GTF3C4: variants seen among roughly 807,000 people sequenced by gnomAD.
The protein encoded by GTF3C4 is general transcription factor IIIC subunit 4.
GTF3C4 carries 28 observed loss-of-function variants against 67.5 expected under a neutral mutation model. The ratio of observed to expected loss-of-function variants is 0.41; its 90% CI spans 0.31 to 0.57. The LOEUF is 0.57. GTF3C4 is among the 20% of genes least tolerant of loss of function. The pLI, the probability that GTF3C4 is intolerant of heterozygous loss-of-function variation, is 0.21. For missense variants in GTF3C4, 831 were observed against 1,033.2 expected (o/e 0.80, Z 2.68); for synonymous variants, 409 against 393.0 (o/e 1.04, Z -0.48).
At position 132,678,530 on chromosome 9, in the gene GTF3C4, A is replaced by G. The variant is rs759600640; in HGVS notation, c.911A>G (p.Asn304Ser). Residue 304 changes from asparagine (N) to serine (S), a missense_variant, in exon 2 of 5, where the codon AAC (asparagine) becomes AGC (serine). Asn to Ser is a conservative substitution (Grantham distance 46). Coordinates refer to ENST00000372146, the MANE Select transcript of GTF3C4 (RefSeq NM_012204.4). The surrounding 1 kb of genome is among the most constrained non-coding windows in gnomAD (Gnocchi z 6.5). The part of the protein sequence containing the change: ...FVGKESISSC[N>S]TIESGITSPS... ...GGAAAAGAATCCATCTCTTCATGCA[A>G]CACAATTGAGTCAGGAATCACCTCT... 1 of 1,614,192 alleles carries G rather than the reference A, an allele frequency of 6.2e-7. No individual in the cohort carries two copies. Among genetic ancestry groups the G allele is most frequent in the East Asian group, 2.2e-5 (1 of 44,880 alleles).
At position 132,679,900 on chromosome 9, in the gene GTF3C4, T is replaced by G. The variant is rs1354080428; in HGVS notation, c.2184+97T>G. ...TGAGTTCCTGAAGCTCAACTTTTGC[T>G]TTGACATTTTTTAGGTAATTTATTT... On this transcript the variant is annotated intron_variant, in intron 2 of 4. Transcript: ENST00000372146. The surrounding 1 kb of genome is among the most constrained non-coding windows in gnomAD (Gnocchi z 5.9). The G allele has an allele frequency of 5.2e-6, 6 of 1,157,266 alleles. No homozygotes were observed. Among genetic ancestry groups the G allele is most frequent in the Non-Finnish European group, 7.3e-6 (6 of 823,462 alleles). 71.7% of individuals were successfully genotyped at this position (1,157,266 alleles called of 1,614,324 possible).
rs370511674 is a variant in GTF3C4 at position 132,684,999 on chromosome 9, G to A, written c.2315+1306G>A. On this transcript the variant is annotated intron_variant, in intron 3 of 4. Coordinates refer to ENST00000372146, the MANE Select transcript of GTF3C4 (RefSeq NM_012204.4). The stretch of plus-strand genomic sequence containing the variant: ...TAGAACAATGCCTAGTACATGGTGG[G>A]CACTAAATTTTTTAATTTTTTTTTT... Among the ~76,000 whole-genome samples the A allele has an allele frequency of 2.9e-4, 43 of 150,436 alleles. 1 individual carries two copies. The East Asian group carries it at 4.7e-3, about 16-fold the overall frequency.
At chr9:132,680,734 A>G in intron 2 of GTF3C4, among the ~76,000 whole-genome samples, 1 of 152,240 alleles carries the variant, frequency 6.6e-6, no homozygotes, top group East Asian at 1.9e-4. Context: ...TTCGCCTTTG[A>G]AATTATTGCT....
rs1835898070 is a variant in GTF3C4, at chr9:132,678,654, C to G, written c.1035C>G (p.Val345=). ...TTGGACCCATAAAAATTCTTCCTGT[C>G]AATCTCAAAGCAGTCAAAGGCTATT... is the stretch of plus-strand genomic sequence containing the variant. The part of the protein sequence containing the change: ...SAFGPIKILP[V]NLKAVKGYFT... The change falls in exon 2 of 5, where the codon GTC becomes GTG. Residue 345 remains valine, a synonymous_variant. Transcript: ENST00000372146. This position sits in a 1 kb window ranked among gnomAD's most constrained non-coding sequence, Gnocchi z 6.5. 6.2e-7 allele frequency: 1 copy of G among 1,613,894 alleles called. No homozygotes were observed. Among genetic ancestry groups the G allele is most frequent in the African/African-American group, 1.3e-5 (1 of 74,904 alleles).
In GTF3C4 at chr9:132,694,781, A is replaced by G. The variant is rs911472411; in HGVS notation, c.*5836A>G. 6 of 152,298 alleles carry G rather than the reference A, an allele frequency of 3.9e-5. No homozygotes were observed. The East Asian group carries it at 1.2e-3, about 29-fold the overall frequency. 9.4% of individuals were successfully genotyped at this position (152,298 alleles called of 1,614,324 possible). A position where few individuals can be genotyped will look rare whatever the true frequency, so the allele number is the denominator to read the frequency against. On this transcript the variant is annotated 3_prime_UTR_variant, in exon 5 of 5. Transcript: ENST00000372146. The stretch of plus-strand genomic sequence containing the variant: ...TTTGGGATTCCCCTCAATTGCTTAC[A>G]TGATTCTGGTACTTAGAGTCTAATA...
chr9:132,678,428 A>C lies in GTF3C4; in HGVS notation c.809A>C (p.Asp270Ala). The change falls in exon 2 of 5, where the codon GAC becomes GCC. Residue 270 changes from aspartate (D) to alanine (A), a missense_variant. Transcript: ENST00000372146. The surrounding 1 kb of genome is among the most constrained non-coding windows in gnomAD (Gnocchi z 6.5). ...GTCAAGCATAACAACGAATGCCGGG[A>C]CGTTGGCAGTGTGCTCCTGGCTGTC... is the stretch of plus-strand genomic sequence containing the variant. ...QQVKHNNECR[D>A]VGSVLLAVLF... 1 of 1,614,220 alleles carries C rather than the reference A, an allele frequency of 6.2e-7. No individual in the cohort carries two copies. The highest frequency in any genetic ancestry group is 8.5e-7 in the Non-Finnish European group (1 of 1,180,034).
At chr9:132,684,727 C>T (rs1265534734) in intron 3 of GTF3C4, among the ~76,000 whole-genome samples, 1 of 152,194 alleles carries the variant, frequency 6.6e-6, no homozygotes, top group East Asian at 1.9e-4. Context: ...GGATGCTGTT[C>T]CAGCAGATGT....
At chr9:132,687,796 C>G (rs1192635973) in intron 4 of GTF3C4, among the ~76,000 whole-genome samples, 1 of 152,008 alleles carries the variant, frequency 6.6e-6, no homozygotes, top group Admixed American at 6.6e-5. Flanking sequence ...CCTGATAGTT[C>G]TAATGTCATC....
In GTF3C4 at chr9:132,678,799, G is replaced by T. The variant is rs760454849; in HGVS notation, c.1180G>T (p.Ala394Ser). Residue 394 changes from alanine (A) to serine (S), a missense_variant, in exon 2 of 5, where the codon GCA (alanine) becomes TCA (serine). Transcript: ENST00000372146. This position sits in a 1 kb window ranked among gnomAD's most constrained non-coding sequence, Gnocchi z 6.5. ...GTGTAGTTGCAGCTTAGTAGTGGCT[G>T]CAAGAGGCTCTTATGTATTTTGGTG... ...QKCSCSLVVA[A>S]RGSYVFWCLL... is the part of the protein sequence containing the mutation. 2 of 1,614,170 alleles carry T rather than the reference G, an allele frequency of 1.2e-6. No homozygotes were observed. The highest frequency in any genetic ancestry group is 1.7e-6 in the Non-Finnish European group (2 of 1,180,022).
At chr9:132,685,283 A>G (rs945637310) in intron 3 of GTF3C4, among the ~76,000 whole-genome samples, 5 of 151,770 alleles carry the variant, frequency 3.3e-5, no homozygotes, top group African/African-American at 1.2e-4. Context: ...GGCCTCCCAG[A>G]GTGCTGGAAC....
In GTF3C4 at chr9:132,683,413, A is replaced by T. The variant is rs1345007358; in HGVS notation, c.2185-150A>T. On this transcript the variant is annotated intron_variant, in intron 2 of 4. Coordinates refer to ENST00000372146, the MANE Select transcript of GTF3C4 (RefSeq NM_012204.4). The stretch of plus-strand genomic sequence containing the variant: ...TTATTTTTCAGACAGTATAATCAGG[A>T]TTTGTGGAAATGCAAATCTCCTGTC... The T allele has an allele frequency of 6.3e-6, 4 of 638,734 alleles. No individual in the cohort carries two copies. In the African/African-American group the frequency reaches 7.5e-5, roughly 12 times the overall value. The allele number at this position is 638,734 out of a possible 1,614,324, so 39.6% of individuals were successfully genotyped here.
intron 1 of GTF3C4, among the ~76,000 whole-genome samples, chr9:132,677,374 C>T (rs1835877919): frequency 6.6e-6 from 1 of 152,206 alleles, no homozygotes; most frequent in South Asian, 2.1e-4. Flanking sequence ...TGCACTCCAG[C>T]CCGGGCGACA....
Position 132,678,475 on chromosome 9 carries a change from G to A in GTF3C4, c.856G>A (p.Ala286Thr). Residue 286 changes from alanine (A) to threonine (T), a missense_variant, in exon 2 of 5, where the codon GCC (alanine) becomes ACC (threonine). Transcript: ENST00000372146. The surrounding 1 kb of genome is among the most constrained non-coding windows in gnomAD (Gnocchi z 6.5). ...TGTCCTCTTTGAAAACGGTAATATCGCCGTGTGGCAGTTTCAGCTGCCGTT... is the reference window on the plus strand; with the variant it reads ...TGTCCTCTTTGAAAACGGTAATATCACCGTGTGGCAGTTTCAGCTGCCGTT... The part of the protein sequence containing the change: ...LAVLFENGNI[A>T]VWQFQLPFVG... 8.1e-6 allele frequency: 13 copies of A among 1,614,154 alleles called. No individual in the cohort carries two copies. The highest frequency in any genetic ancestry group is 1.1e-5 in the South Asian group (1 of 91,090).
intron 3 of GTF3C4, 95 bp downstream of exon 3, chr9:132,683,788 A>T: frequency 2.5e-6 from 3 of 1,206,972 alleles, no homozygotes; most frequent in Non-Finnish European, 3.5e-6. Flanking sequence ...TATGCCAGTT[A>T]TCTGTTGCCC....
chr9:132,683,528 T>TA (rs771524213), intron 2 of GTF3C4, 35 bp from the exon 3 acceptor site: 13 of 1,582,210 alleles, frequency 8.2e-6, no homozygotes, highest in Admixed American at 1.9e-5. Flanking sequence ...ATCCTGCACT[T>TA]ACACTAAACT....
At chr9:132,682,078 G>A (rs866612882) in intron 2 of GTF3C4, among the ~76,000 whole-genome samples, 8 of 151,848 alleles carry the variant, frequency 5.3e-5, no homozygotes, top group East Asian at 1.9e-4. Context: ...CACTCTAGCC[G>A]GGGCAACAGC....
intron 3 of GTF3C4, 50 bp from the exon 4 acceptor site, chr9:132,687,189 G>A: frequency 1.0e-6 from 1 of 962,878 alleles, no homozygotes; most frequent in African/African-American, 1.6e-5. Context: ...GTTTCTGAGT[G>A]TTAGTAGAGC....
intron 1 of GTF3C4, among the ~76,000 whole-genome samples, chr9:132,672,115 A>G (rs568160927): frequency 1.3e-5 from 2 of 152,218 alleles, no homozygotes; most frequent in Non-Finnish European, 2.9e-5. Flanking sequence ...ATATGAACAC[A>G]TTTGTTCAAG....
chr9:132,683,730 T>A, intron 3 of GTF3C4, 37 bp downstream of exon 3: 1 of 1,588,846 alleles, frequency 6.3e-7, no homozygotes, highest in Non-Finnish European at 8.6e-7. Context: ...CTGCTCATTT[T>A]TCAGTTTTGT....
Sources: gnomAD v4.1 joint callset for allele counts (sites outside exome capture counted in the v4.1 genomes callset) on GRCh38, gnomAD v4.1.1 for gene constraint, Gnocchi (gnomAD v3.1) non-coding constraint, MANE v1.5 for transcripts, NCBI Gene and HGNC (gene_info 2026-07-23, HGNC 2026-07-21) for gene names.